Variants in KSR2 observed in about 807,000 individuals in gnomAD.
KSR2 encodes the protein kinase suppressor of ras 2.
KSR2 carries 25 observed loss-of-function variants against 107.8 expected under a neutral mutation model. The ratio of observed to expected loss-of-function variants is 0.23; its 90% CI spans 0.17 to 0.32. The LOEUF (loss-of-function observed/expected upper bound fraction) is 0.32, where lower values mean the gene tolerates loss of function less well. Ranked by LOEUF, KSR2 falls within the 10% of genes least tolerant of loss-of-function variation. The pLI is 1.00. For missense variants in KSR2, 887 were observed against 1,268.9 expected, an observed-to-expected ratio of 0.70 and a Z score of 4.57; for synonymous variants, 480 against 507.0, an observed-to-expected ratio of 0.95 and a Z score of 0.71.
chr12:117,519,769 A>AGT (rs908239954), intron 14 of KSR2, among the ~76,000 whole-genome samples: 4 of 150,330 alleles, frequency 2.7e-5, no homozygotes, highest in South Asian at 2.1e-4. Context: ...AAGAGGAGCG[A>AGT]GTGTGTGTGT....
intron 16 of KSR2, among the ~76,000 whole-genome samples, chr12:117,479,196 G>C (rs969424196): frequency 1.3e-5 from 2 of 152,138 alleles, no homozygotes; most frequent in Non-Finnish European, 2.9e-5. Flanking sequence ...TCGACTTTTT[G>C]TAGAACCCAA....
chr12:117,632,218 C>CTTTTTT (rs544594793), intron 5 of KSR2, among the ~76,000 whole-genome samples: 39 of 84,058 alleles, frequency 4.6e-4, no homozygotes, highest in African/African-American at 1.0e-3. Context: ...AGTCCTACTC[C>CTTTTTT]TTTTTTTTTT....
chr12:117,711,965 G>A (rs993103448), intron 4 of KSR2, among the ~76,000 whole-genome samples: 3 of 152,208 alleles, frequency 2.0e-5, no homozygotes, highest in African/African-American at 7.2e-5. Flanking sequence ...CATGGAGGCA[G>A]AGCTGGCCTC....
intron 1 of KSR2, among the ~76,000 whole-genome samples, chr12:117,878,644 T>C (rs1308614227): frequency 6.6e-6 from 1 of 152,118 alleles, no homozygotes; most frequent in East Asian, 1.9e-4. Context: ...GGGGCTACTG[T>C]AAGCAATGCG....
At chr12:117,559,341 C>G (rs1008441166) in intron 7 of KSR2, among the ~76,000 whole-genome samples, 2 of 152,178 alleles carry the variant, frequency 1.3e-5, no homozygotes, top group Non-Finnish European at 2.9e-5. Flanking sequence ...TAAAAAATAT[C>G]AAATATCATG....
intron 1 of KSR2, among the ~76,000 whole-genome samples, chr12:117,917,246 A>T (rs1177212160): frequency 6.6e-6 from 1 of 152,264 alleles, no homozygotes; most frequent in Non-Finnish European, 1.5e-5. Flanking sequence ...AATATATCTT[A>T]AAGTCTATTC....
At chr12:117,646,756 T>C (rs532524266) in intron 5 of KSR2, among the ~76,000 whole-genome samples, 104 of 152,242 alleles carry the variant, frequency 6.8e-4, no homozygotes, top group Admixed American at 3.9e-3. Context: ...GTATTTAGCA[T>C]CAAAGCCCCG....
intron 4 of KSR2, among the ~76,000 whole-genome samples, chr12:117,737,053 T>G (rs2136760181): frequency 6.6e-6 from 1 of 152,318 alleles, no homozygotes; most frequent in Non-Finnish European, 1.5e-5. Context: ...TATATACAAC[T>G]TCAAACACCA....
chr12:117,640,597 G>T (rs559252840), intron 5 of KSR2, among the ~76,000 whole-genome samples: 1 of 152,142 alleles, frequency 6.6e-6, no homozygotes, highest in Non-Finnish European at 1.5e-5. Flanking sequence ...TCCAAAGAGC[G>T]TGTTCCCACA....
chr12:117,851,888 TA>T (rs569745181), intron 3 of KSR2, among the ~76,000 whole-genome samples: 2,068 of 134,212 alleles, frequency 0.015, 29 homozygotes, highest in African/African-American at 0.044. Flanking sequence ...GACTCCATCT[TA>T]AAAAAAAAAA....
At chr12:117,550,948 T>A (rs1387769582) in intron 9 of KSR2, among the ~76,000 whole-genome samples, 1 of 152,236 alleles carries the variant, frequency 6.6e-6, no homozygotes, top group Non-Finnish European at 1.5e-5. Context: ...ATTGCCCCCA[T>A]GTCCATCCTT....
intron 9 of KSR2, among the ~76,000 whole-genome samples, chr12:117,548,202 T>A (rs542528090): frequency 6.6e-6 from 1 of 152,196 alleles, no homozygotes; most frequent in African/African-American, 2.4e-5. Flanking sequence ...TTATTTTATA[T>A]ACAATGTCCA....
intron 10 of KSR2, among the ~76,000 whole-genome samples, chr12:117,532,192 C>T (rs1302917006): frequency 1.3e-5 from 2 of 152,182 alleles, no homozygotes; most frequent in African/African-American, 4.8e-5. Context: ...AGTAAAACAA[C>T]ACAAATGTAT....
intron 5 of KSR2, among the ~76,000 whole-genome samples, chr12:117,627,137 G>A (rs1258233919): frequency 1.3e-5 from 2 of 152,000 alleles, no homozygotes; most frequent in Non-Finnish European, 2.9e-5. Flanking sequence ...ACACTGATGG[G>A]TCTTGACTCT....
Position 117,730,875 on chromosome 12 carries a change from C to T in KSR2, c.986+30136G>A, listed in dbSNP as rs577164457. ...GCTCGCTACAACCTCCACCTCCCAG[C>T]TGCCTGCCTTGGCCTCCCAAAGTGC... On this transcript the variant is annotated intron_variant, in intron 4 of 19. Coordinates refer to ENST00000339824, the MANE Select transcript of KSR2 (RefSeq NM_173598.6). 3.2e-4 allele frequency among the ~76,000 whole-genome samples: 49 copies of T among 152,326 alleles called. No individual in the cohort carries two copies. The Middle Eastern group carries it at 0.01, about 32-fold the overall frequency.
intron 5 of KSR2, among the ~76,000 whole-genome samples, chr12:117,661,779 T>C (rs912330642): frequency 6.6e-6 from 1 of 152,100 alleles, no homozygotes. Context: ...TGGAACACAC[T>C]TGGAGAACCC....
chr12:117,734,088 C>T (rs890782598), intron 4 of KSR2, among the ~76,000 whole-genome samples: 5 of 152,074 alleles, frequency 3.3e-5, no homozygotes, highest in Admixed American at 6.6e-5. Context: ...TGAGACCAGC[C>T]TGGCCAACAT....
chr12:117,683,830 G>A (rs886278609), intron 4 of KSR2, among the ~76,000 whole-genome samples: 6 of 152,222 alleles, frequency 3.9e-5, no homozygotes, highest in Non-Finnish European at 5.9e-5. Context: ...GGGCCAGAGA[G>A]GAAATACCTT....
intron 1 of KSR2, among the ~76,000 whole-genome samples, chr12:117,916,328 G>C (rs951438066): frequency 2.0e-5 from 3 of 151,652 alleles, no homozygotes; most frequent in Admixed American, 6.6e-5. Context: ...GTAGAGACGG[G>C]GTTTCACTAT....
Sources: allele counts gnomAD v4.1 joint callset (sites outside exome capture counted in the v4.1 genomes callset), GRCh38; gene constraint gnomAD v4.1.1; transcripts MANE v1.5; gene names NCBI Gene and HGNC (gene_info 2026-07-23, HGNC 2026-07-21).